RBM47: variants seen among roughly 807,000 people sequenced by gnomAD.
RBM47 encodes RNA-binding protein 47.
RBM47 carries 21 observed loss-of-function variants against 47.1 expected under a neutral mutation model. The ratio of observed to expected loss-of-function variants is 0.45; its 90% CI spans 0.32 to 0.64. RBM47 has a LOEUF of 0.64. RBM47 is among the 30% of genes least tolerant of loss of function. The pLI is 0.05. For missense variants in RBM47, 708 were observed against 870.9 expected (o/e 0.81, Z 2.35); for synonymous variants, 375 against 361.7 (o/e 1.04, Z -0.42).
chr4:40,625,143 C>T (rs1219064406), intron 1 of RBM47, among the ~76,000 whole-genome samples: 1 of 152,122 alleles, frequency 6.6e-6, no homozygotes, highest in Admixed American at 6.6e-5. Flanking sequence ...CCACCGTGCC[C>T]AGCCTAAGCC....
chr4:40,543,363 G>A (rs1728725145), intron 2 of RBM47: 1 of 152,144 alleles, frequency 6.6e-6, no homozygotes, highest in South Asian at 2.1e-4. Flanking sequence ...GGGATCTTAT[G>A]TCTGGAAGGC....
At chr4:40,595,829 C>T (rs946260033) in intron 1 of RBM47, among the ~76,000 whole-genome samples, 1 of 151,638 alleles carries the variant, frequency 6.6e-6, no homozygotes, top group Non-Finnish European at 1.5e-5. Context: ...TGCTTGAACC[C>T]GGGAGGCAGA....
intron 1 of RBM47, among the ~76,000 whole-genome samples, chr4:40,582,034 T>C (rs1733007871): frequency 6.6e-6 from 1 of 152,032 alleles, no homozygotes; most frequent in Non-Finnish European, 1.5e-5. Context: ...CTCTCACTCC[T>C]GCTCCTACAC....
chr4:40,559,776 A>G (rs1730434185), intron 1 of RBM47, among the ~76,000 whole-genome samples: 1 of 152,092 alleles, frequency 6.6e-6, no homozygotes, highest in Non-Finnish European at 1.5e-5. Flanking sequence ...TAGAAAGAAC[A>G]CTTGTTCCTG....
intron 4 of RBM47, 131 bp downstream of exon 4, chr4:40,437,640 A>C: frequency 2.2e-6 from 2 of 920,406 alleles, no homozygotes; most frequent in South Asian, 3.4e-5. Flanking sequence ...CAGAATGCAA[A>C]CCCAAAACGG....
intron 3 of RBM47, among the ~76,000 whole-genome samples, chr4:40,462,164 C>A (rs1271949493): frequency 6.6e-6 from 1 of 152,072 alleles, no homozygotes; most frequent in Non-Finnish European, 1.5e-5. Flanking sequence ...GGTTACACAG[C>A]CTGGGGAGTC....
chr4:40,529,738 A>G (rs1327464467), intron 2 of RBM47, among the ~76,000 whole-genome samples: 1 of 149,530 alleles, frequency 6.7e-6, no homozygotes, highest in Admixed American at 6.7e-5. Flanking sequence ...CTGAAACAGG[A>G]GAATTGCCTG....
chr4:40,477,344 T>G (rs1165319543), intron 2 of RBM47, among the ~76,000 whole-genome samples: 2 of 152,140 alleles, frequency 1.3e-5, no homozygotes, highest in African/African-American at 2.4e-5. Flanking sequence ...AGGGTCAAAA[T>G]CCAAAACAAG....
intron 1 of RBM47, among the ~76,000 whole-genome samples, chr4:40,569,011 A>ATT (rs984876601): frequency 2.2e-5 from 3 of 137,586 alleles, no homozygotes; most frequent in African/African-American, 8.1e-5. Context: ...AGATAGATAG[A>ATT]TAGATAGACA....
chr4:40,477,248 A>G (rs1237966226), intron 2 of RBM47, among the ~76,000 whole-genome samples: 1 of 152,222 alleles, frequency 6.6e-6, no homozygotes, highest in Non-Finnish European at 1.5e-5. Flanking sequence ...TCATCTACGC[A>G]TATATTTTTT....
intron 2 of RBM47, among the ~76,000 whole-genome samples, chr4:40,511,009 T>C (rs1030686810): frequency 1.3e-5 from 2 of 152,206 alleles, no homozygotes; most frequent in Non-Finnish European, 2.9e-5. Flanking sequence ...ACTTAAGATC[T>C]TGAGTTGCTA....
chr4:40,576,046 C>T (rs529807116), intron 1 of RBM47, among the ~76,000 whole-genome samples: 1 of 152,296 alleles, frequency 6.6e-6, no homozygotes, highest in East Asian at 1.9e-4. Flanking sequence ...TCCTTTGGAT[C>T]GGACACTGGG....
chr4:40,541,486 CA>C, intron 2 of RBM47, among the ~76,000 whole-genome samples: 1 of 152,130 alleles, frequency 6.6e-6, no homozygotes, highest in East Asian at 1.9e-4. Flanking sequence ...CCTGTAATCC[CA>C]GCACTTTGGG....
At chr4:40,457,321 C>G (rs1433393352) in intron 3 of RBM47, among the ~76,000 whole-genome samples, 1 of 149,100 alleles carries the variant, frequency 6.7e-6, no homozygotes, top group South Asian at 2.1e-4. Flanking sequence ...ACTTGGGAGG[C>G]TGAGACAGGG....
chr4:40,477,705 C>CT (rs1006119690), intron 2 of RBM47, among the ~76,000 whole-genome samples: 55 of 152,148 alleles, frequency 3.6e-4, no homozygotes, highest in African/African-American at 1.3e-3. Flanking sequence ...AATTTTAAGA[C>CT]TAAGGGGGTA....
chr4:40,565,436 C>CA (rs1731003097), intron 1 of RBM47, among the ~76,000 whole-genome samples: 1 of 152,090 alleles, frequency 6.6e-6, no homozygotes. Context: ...GGGGAAGGGG[C>CA]AAGGGAGGCC....
At chr4:40,556,988 G>C (rs148414055) in intron 1 of RBM47, among the ~76,000 whole-genome samples, 1 of 144,528 alleles carries the variant, frequency 6.9e-6, no homozygotes, top group Non-Finnish European at 1.5e-5. Flanking sequence ...ACGTTGGGGG[G>C]AGTTGTGCAC....
chr4:40,560,776 C>A (rs1730533538), intron 1 of RBM47, among the ~76,000 whole-genome samples: 1 of 152,058 alleles, frequency 6.6e-6, no homozygotes, highest in South Asian at 2.1e-4. Context: ...ACCAGCCTGG[C>A]CAAAATGGTG....
chr4:40,464,783 C>T (rs1468310492), intron 3 of RBM47, among the ~76,000 whole-genome samples: 1 of 144,906 alleles, frequency 6.9e-6, no homozygotes. Context: ...CCCAGCTACT[C>T]GGGAGGCTGA....
Sources: gnomAD v4.1 joint callset for allele counts (sites outside exome capture counted in the v4.1 genomes callset) on GRCh38, gnomAD v4.1.1 for gene constraint, MANE v1.5 for transcripts, NCBI Gene and HGNC (gene_info 2026-07-23, HGNC 2026-07-21) for gene names.